EML5: variants seen among roughly 807,000 people sequenced by gnomAD.
The protein encoded by EML5 is echinoderm microtubule-associated protein-like 5.
EML5 carries 120 observed loss-of-function variants against 250.0 expected under a neutral mutation model. The observed-to-expected ratio is 0.48, with a 90% confidence interval of 0.41 to 0.56. The LOEUF (loss-of-function observed/expected upper bound fraction) is 0.56. Ranked by LOEUF, EML5 falls within the 20% of genes least tolerant of loss-of-function variation. EML5 has a pLI of 0.00. For synonymous variants in EML5, 771 were observed against 806.5 expected (o/e 0.96, Z 0.75); for missense variants, 2,006 against 2,437.6 (o/e 0.82, Z 3.73).
At position 88,792,154 on chromosome 14, in the gene EML5, T is replaced by C. The variant is rs911014930; in HGVS notation, c.197+153A>G. Among the ~76,000 whole-genome samples, 1 of 152,006 alleles carries C rather than the reference T, an allele frequency of 6.6e-6. No homozygotes were observed. Among genetic ancestry groups the C allele is most frequent in the Non-Finnish European group, 1.5e-5 (1 of 67,992 alleles). On this transcript the variant is annotated intron_variant, in intron 1 of 43. Transcript: ENST00000554922. The surrounding 1 kb of genome is among the most constrained non-coding windows in gnomAD (Gnocchi z 6.9). ...AGAGGGGAAAGGCATTTGTAGGGTG[T>C]TAACTGGTGGACTCGGGACCAGAGA...
At chr14:88,725,053 G>A (rs891124771) in intron 8 of EML5, among the ~76,000 whole-genome samples, 2 of 152,096 alleles carry the variant, frequency 1.3e-5, no homozygotes, top group Admixed American at 6.5e-5. Context: ...ATATTCAAAT[G>A]TTATATTCAT....
At chr14:88,642,749 C>A in intron 31 of EML5, 144 bp downstream of exon 31, 2 of 851,104 alleles carry the variant, frequency 2.3e-6, no homozygotes, top group Non-Finnish European at 3.5e-6. Flanking sequence ...CTAGAAAGTT[C>A]TGAAATATGA....
intron 3 of EML5, 51 bp from the exon 4 acceptor site, chr14:88,744,142 A>T: frequency 7.3e-7 from 1 of 1,369,778 alleles, no homozygotes; most frequent in Non-Finnish European, 9.9e-7. Flanking sequence ...AGAATCATTT[A>T]AAAATCCTGT....
At chr14:88,698,060 T>C (rs866578331) in intron 14 of EML5, among the ~76,000 whole-genome samples, 2 of 152,148 alleles carry the variant, frequency 1.3e-5, no homozygotes, top group African/African-American at 4.8e-5. Context: ...TAAAAAGATA[T>C]AACAAATAAC....
chr14:88,743,027 A>G (rs2093947151), intron 4 of EML5, among the ~76,000 whole-genome samples: 1 of 152,144 alleles, frequency 6.6e-6, no homozygotes, highest in Non-Finnish European at 1.5e-5. Flanking sequence ...AAACATAATA[A>G]TGAATATCAC....
At chr14:88,735,313 AG>A (rs1203709984) in intron 7 of EML5, among the ~76,000 whole-genome samples, 3 of 152,140 alleles carry the variant, frequency 2.0e-5, no homozygotes, top group South Asian at 2.1e-4. Flanking sequence ...ATCACAGACA[AG>A]GTTTCTAATT....
intron 2 of EML5, among the ~76,000 whole-genome samples, chr14:88,749,524 T>C (rs2094059278): frequency 6.6e-6 from 1 of 152,158 alleles, no homozygotes; most frequent in African/African-American, 2.4e-5. Flanking sequence ...ATGTAAGATT[T>C]TTCTCATTAA....
chr14:88,691,983 T>C (rs2092969326), intron 17 of EML5, among the ~76,000 whole-genome samples: 2 of 152,248 alleles, frequency 1.3e-5, no homozygotes, highest in Admixed American at 1.3e-4. Flanking sequence ...AAATTCATAG[T>C]TCTTTTCCAA....
At chr14:88,703,706 T>C (rs1237138679) in intron 13 of EML5, among the ~76,000 whole-genome samples, 2 of 152,190 alleles carry the variant, frequency 1.3e-5, no homozygotes, top group African/African-American at 4.8e-5. Context: ...AAAATCTGTT[T>C]CTGCCAAGCT....
At chr14:88,619,515 A>G (rs2088465734) in intron 39 of EML5, 1 of 152,198 alleles carries the variant, frequency 6.6e-6, no homozygotes, top group Non-Finnish European at 1.5e-5. Context: ...AGAACATCTC[A>G]GCTTTTAAAA....
intron 20 of EML5, 106 bp downstream of exon 20, chr14:88,684,909 T>TC: frequency 9.6e-7 from 1 of 1,045,714 alleles, no homozygotes; most frequent in South Asian, 2.3e-5. Flanking sequence ...AACAAATATT[T>TC]CCCTAATTTA....
At chr14:88,665,920 A>T (rs12878963) in intron 21 of EML5, among the ~76,000 whole-genome samples, 13,099 of 152,104 alleles carry the variant, frequency 0.086, 683 homozygotes, top group Non-Finnish European at 0.12. Context: ...AAAAAAAAAA[A>T]ATATTTGCTA....
chr14:88,629,018 A>G (rs189705173), intron 33 of EML5, among the ~76,000 whole-genome samples: 1 of 152,130 alleles, frequency 6.6e-6, no homozygotes, highest in Non-Finnish European at 1.5e-5. Flanking sequence ...TTCATTCATT[A>G]AAAGTCAAAG....
chr14:88,672,066 A>G (rs1275564448), intron 21 of EML5, among the ~76,000 whole-genome samples: 1 of 152,202 alleles, frequency 6.6e-6, no homozygotes, highest in African/African-American at 2.4e-5. Context: ...AGATATCTAC[A>G]GAACTCTCCA....
intron 5 of EML5, among the ~76,000 whole-genome samples, chr14:88,739,833 A>G (rs749868900): frequency 3.9e-5 from 6 of 152,180 alleles, no homozygotes; most frequent in Non-Finnish European, 8.8e-5. Flanking sequence ...AAGGGTAGGA[A>G]AACCCAATTA....
At chr14:88,687,806 C>A (rs2092868763) in intron 18 of EML5, among the ~76,000 whole-genome samples, 1 of 151,954 alleles carries the variant, frequency 6.6e-6, no homozygotes, top group Non-Finnish European at 1.5e-5. Context: ...TGGCTGGCAC[C>A]ATGGCTCATG....
At chr14:88,759,281 G>C (rs1402057306) in intron 1 of EML5, among the ~76,000 whole-genome samples, 1 of 152,072 alleles carries the variant, frequency 6.6e-6, no homozygotes, top group Non-Finnish European at 1.5e-5. Flanking sequence ...TTCTGGCTCT[G>C]CTCTTCACAG....
At chr14:88,660,762 G>GAAAAAAGA (rs1555429440) in intron 25 of EML5, among the ~76,000 whole-genome samples, 2 of 142,846 alleles carry the variant, frequency 1.4e-5, no homozygotes, top group East Asian at 2.0e-4. Context: ...AAAGAAAAAA[G>GAAAAAAGA]AAAAAAAAAA....
chr14:88,778,898 C>A (rs980988614), intron 1 of EML5, among the ~76,000 whole-genome samples: 1 of 152,150 alleles, frequency 6.6e-6, no homozygotes, highest in African/African-American at 2.4e-5. Flanking sequence ...CATTTTTGGG[C>A]TTCTTTGTGG....
Sources: allele counts gnomAD v4.1 joint callset (sites outside exome capture counted in the v4.1 genomes callset), GRCh38; gene constraint gnomAD v4.1.1; non-coding constraint Gnocchi (gnomAD v3.1); transcripts MANE v1.5; gene names NCBI Gene and HGNC (gene_info 2026-07-23, HGNC 2026-07-21).